The following NSMCE1 variants were observed in gnomAD, a reference collection of about 807,000 sequenced individuals.
NSMCE1 encodes the protein NSE1 component of SMC5/6 complex.
Under a neutral mutation model 29.6 loss-of-function variants are expected in NSMCE1, and 18 were observed. That is an observed-to-expected ratio of 0.61 (90% CI 0.42 to 0.90). NSMCE1 has a LOEUF of 0.90. Ranked by LOEUF, NSMCE1 falls within the 40% of genes least tolerant of loss-of-function variation. NSMCE1 has a pLI of 0.00. For synonymous variants in NSMCE1, 124 were observed against 133.4 expected, an observed-to-expected ratio of 0.93 and a Z score of 0.49; for missense variants, 314 against 343.6, an observed-to-expected ratio of 0.91 and a Z score of 0.68.
Position 27,259,587 on chromosome 16 carries a change from G to C in NSMCE1, c.-11-2006C>G, listed in dbSNP as rs117688077. Among the ~76,000 whole-genome samples the C allele has an allele frequency of 3.4e-3, 510 of 152,192 alleles. 1 individual carries two copies. The highest frequency in any genetic ancestry group is 5.5e-3 in the Non-Finnish European group (375 of 68,020). ...ATGGAGGTGTAGAGGAAAGAAATGG[G>C]AGGCAAAGAGTCCAGAAAGCAGTCT... is the stretch of plus-strand genomic sequence containing the variant. On this transcript the variant is annotated intron_variant, in intron 1 of 7. Coordinates refer to ENST00000361439, the MANE Select transcript of NSMCE1 (RefSeq NM_145080.4).
chr16:27,242,690 G>A (rs191181316), intron 2 of NSMCE1, among the ~76,000 whole-genome samples: 120 of 152,280 alleles, frequency 7.9e-4, no homozygotes, highest in Non-Finnish European at 9.6e-4. Flanking sequence ...AATGGAAATC[G>A]TCATGAGAAA....
intron 2 of NSMCE1, among the ~76,000 whole-genome samples, chr16:27,246,923 G>A (rs2083964120): frequency 1.3e-5 from 2 of 151,640 alleles, no homozygotes; most frequent in Non-Finnish European, 2.9e-5. Flanking sequence ...GTAGGATGCA[G>A]AGAGAACACA....
chr16:27,251,191 A>ATAAAT lies in NSMCE1; in HGVS notation c.136+6243_136+6244insATTTA, dbSNP rs1555477411. Among the ~76,000 whole-genome samples, 54 of 32,320 alleles carry ATAAAT rather than the reference A, an allele frequency of 1.7e-3. 1 individual carries two copies. Among genetic ancestry groups the ATAAAT allele is most frequent in the Non-Finnish European group, 2.6e-3 (47 of 17,882 alleles). 21.2% of individuals were successfully genotyped at this position (32,320 alleles called of 152,430 possible). The stretch of plus-strand genomic sequence containing the variant: ...ATATATATATATATATATATATATA[A>ATAAAT]ATATATATATATATATAAAACTCTG... On this transcript the variant is annotated intron_variant, in intron 2 of 7. Transcript: ENST00000361439.
chr16:27,251,191 A>ATATATATATATATAAAT lies in NSMCE1; in HGVS notation c.136+6243_136+6244insATTTATATATATATATA, dbSNP rs1555477411. 7.1e-4 allele frequency among the ~76,000 whole-genome samples: 23 copies of ATATATATATATATAAAT among 32,302 alleles called. No homozygotes were observed. The East Asian group carries it at 0.015, about 21-fold the overall frequency. The allele number at this position is 32,302 out of a possible 152,430, so 21.2% of individuals were successfully genotyped here. ...ATATATATATATATATATATATATA[A>ATATATATATATATAAAT]ATATATATATATATATAAAACTCTG... On this transcript the variant is annotated intron_variant, in intron 2 of 7. Coordinates refer to ENST00000361439, the MANE Select transcript of NSMCE1 (RefSeq NM_145080.4).
intron 2 of NSMCE1, among the ~76,000 whole-genome samples, chr16:27,250,465 G>C (rs1337364614): frequency 6.6e-6 from 1 of 151,882 alleles, no homozygotes; most frequent in African/African-American, 2.4e-5. Context: ...TTTTTAATCA[G>C]GAATAGCTGT....
intron 1 of NSMCE1, among the ~76,000 whole-genome samples, chr16:27,267,746 G>A (rs1487061420): frequency 8.0e-6 from 1 of 125,026 alleles, no homozygotes; most frequent in Non-Finnish European, 1.7e-5. Context: ...TTTTTTTTTT[G>A]AGACGGAGTT....
chr16:27,233,627 G>A (rs2083785684), intron 4 of NSMCE1, among the ~76,000 whole-genome samples: 1 of 152,248 alleles, frequency 6.6e-6, no homozygotes, highest in Non-Finnish European at 1.5e-5. Context: ...TGAAATGTCT[G>A]AATTATTTTT....
chr16:27,257,473 A>C lies in NSMCE1; in HGVS notation c.98T>G (p.Val33Gly). ...MTHGVLEEWDVKRLQTHCYKV... is the reference protein window; with the variant it reads ...MTHGVLEEWDGKRLQTHCYKV... ...GTAGCAGTGCGTCTGCAAGCGCTTC[A>C]CGTCCCATTCCTCTAGCACGCCATG... The change falls in exon 2 of 8, where the codon GTG becomes GGG. Residue 33 changes from valine to glycine, a missense_variant. By Grantham distance (109) the Val-to-Gly change is moderately radical. Coordinates refer to ENST00000361439, the MANE Select transcript of NSMCE1 (RefSeq NM_145080.4). 1 of 1,613,914 alleles carries C rather than the reference A, an allele frequency of 6.2e-7. No homozygotes were observed. Among genetic ancestry groups the C allele is most frequent in the Non-Finnish European group, 8.5e-7 (1 of 1,179,932 alleles).
At chr16:27,244,528 T>G (rs2140999754) in intron 2 of NSMCE1, among the ~76,000 whole-genome samples, 1 of 151,496 alleles carries the variant, frequency 6.6e-6, no homozygotes, top group Middle Eastern at 3.4e-3. Flanking sequence ...TGTCCCCCAC[T>G]CCCCCACACC....
At chr16:27,226,006 G>GC in intron 6 of NSMCE1, 160 bp from the exon 7 acceptor site, 1 of 777,302 alleles carries the variant, frequency 1.3e-6, no homozygotes, top group South Asian at 1.8e-5. Context: ...TAGTGCAGTG[G>GC]AGTCTTTTGT....
At chr16:27,239,260 C>A (rs1018752419) in intron 2 of NSMCE1, among the ~76,000 whole-genome samples, 2 of 152,174 alleles carry the variant, frequency 1.3e-5, no homozygotes, top group Non-Finnish European at 1.5e-5. Context: ...AAGGTTGCAC[C>A]AGATCGCTGC....
intron 2 of NSMCE1, among the ~76,000 whole-genome samples, chr16:27,240,990 C>T (rs555767323): frequency 6.6e-6 from 1 of 152,270 alleles, no homozygotes; most frequent in South Asian, 2.1e-4. Flanking sequence ...AGGAGGATAG[C>T]TTGAGCCCAG....
In NSMCE1 at chr16:27,235,207, C is replaced by A. The variant is rs1302364786; in HGVS notation, c.229G>T (p.Glu77Ter). The change falls in exon 3 of 8, where the codon GAA (glutamate) becomes TAA (stop). Residue 77 changes from glutamate to a stop codon, truncating the protein, a stop_gained. Coordinates refer to ENST00000361439, the MANE Select transcript of NSMCE1 (RefSeq NM_145080.4). LOFTEE classifies it high-confidence loss of function. Reference protein sequence around the residue: ...LYIEIKRGVTEDDGRPIYALV... With the variant: ...LYIEIKRGVT The stretch of plus-strand genomic sequence containing the variant: ...GCATAAATGGGTCTCCCATCATCTT[C>A]CGTGACTCCTCTCTTTATCTCAATA... The A allele has an allele frequency of 6.2e-7, 1 of 1,614,062 alleles. No individual in the cohort carries two copies. The highest frequency in any genetic ancestry group is 1.7e-5 in the Admixed American group (1 of 60,010).
At chr16:27,260,247 G>A (rs1294092786) in intron 1 of NSMCE1, among the ~76,000 whole-genome samples, 2 of 152,194 alleles carry the variant, frequency 1.3e-5, no homozygotes, top group Non-Finnish European at 2.9e-5. Context: ...ACATAAATGG[G>A]AGGTGAGCAA....
chr16:27,227,144 C>G (rs945187378), intron 5 of NSMCE1, among the ~76,000 whole-genome samples: 10 of 152,216 alleles, frequency 6.6e-5, no homozygotes, highest in Admixed American at 3.9e-4. Context: ...AGTCACAGCC[C>G]TCCTGCAGAT....
At chr16:27,266,404 G>A (rs1046828210) in intron 1 of NSMCE1, 1 of 152,090 alleles carries the variant, frequency 6.6e-6, no homozygotes, top group Non-Finnish European at 1.5e-5. Context: ...GAGACTGTAG[G>A]GAGAATGGTG....
chr16:27,244,797 C>G (rs936176877), intron 2 of NSMCE1, among the ~76,000 whole-genome samples: 9 of 152,244 alleles, frequency 5.9e-5, no homozygotes, highest in Non-Finnish European at 8.8e-5. Context: ...TCTTTCTAAG[C>G]AGAATGCCAG....
At position 27,235,162 on chromosome 16, in the gene NSMCE1, T is replaced by A. The variant is rs2083804762; in HGVS notation, c.258+16A>T. On this transcript the variant is annotated intron_variant, in intron 3 of 7. Coordinates refer to ENST00000361439, the MANE Select transcript of NSMCE1 (RefSeq NM_145080.4). ...CTCCTCAAAAATGCCACTAGAGGGC[T>A]CTGCCGGGCACTCACCAACGCATAA... 2 of 1,611,614 alleles carry A rather than the reference T, an allele frequency of 1.2e-6. No individual in the cohort carries two copies. Among genetic ancestry groups the A allele is most frequent in the Non-Finnish European group, 1.7e-6 (2 of 1,179,494 alleles).
intron 1 of NSMCE1, among the ~76,000 whole-genome samples, chr16:27,261,166 C>CA (rs11420728): frequency 0.34 from 33,244 of 97,750 alleles, 5,865 homozygotes; most frequent in African/African-American, 0.51. Context: ...GACTCCGTCT[C>CA]AAAAAAAAAA....
Sources: gnomAD v4.1 joint callset for allele counts (sites outside exome capture counted in the v4.1 genomes callset) on GRCh38, gnomAD v4.1.1 for gene constraint, MANE v1.5 for transcripts, NCBI Gene and HGNC (gene_info 2026-07-23, HGNC 2026-07-21) for gene names.